The following SLC7A5 variants were observed in gnomAD, a reference collection of about 807,000 sequenced individuals.
SLC7A5 encodes the protein solute carrier family 7 member 5.
In SLC7A5, 23 loss-of-function variants were observed where a neutral mutation model predicts 50.2. That is an observed-to-expected ratio of 0.46 (90% CI 0.33 to 0.65). The LOEUF (loss-of-function observed/expected upper bound fraction) is 0.65. Ranked by LOEUF, SLC7A5 falls within the 30% of genes least tolerant of loss-of-function variation. The pLI is 0.02. For synonymous variants in SLC7A5, 393 were observed against 330.6 expected (o/e 1.19, Z -2.05); for missense variants, 578 against 684.4 (o/e 0.84, Z 1.73).
chr16:87,839,835 A>G lies in SLC7A5; in HGVS notation c.816-10T>C, dbSNP rs1198740110. On this transcript the variant is annotated splice_polypyrimidine_tract_variant and intron_variant, in intron 4 of 9. Coordinates refer to ENST00000261622, the MANE Select transcript of SLC7A5 (RefSeq NM_003486.7). Reference sequence around the variant, plus strand: ...GGCCAGGGGCAGGTTTCTGGAAAGAACAGGGACGACATGTCACCCAACGCA... The same window carrying G: ...GGCCAGGGGCAGGTTTCTGGAAAGAGCAGGGACGACATGTCACCCAACGCA... 6.2e-7 allele frequency: 1 copy of G among 1,613,462 alleles called. No individual in the cohort carries two copies. Among genetic ancestry groups the G allele is most frequent in the African/African-American group, 1.3e-5 (1 of 74,924 alleles).
intron 3 of SLC7A5, among the ~76,000 whole-genome samples, chr16:87,840,815 G>A (rs2055074044): frequency 6.6e-6 from 1 of 152,186 alleles, no homozygotes. Context: ...CGCCAAGACT[G>A]CGACGTGGAG....
At chr16:87,836,863 G>GGGAAGGA (rs2055011841) in intron 7 of SLC7A5, 1 of 572,780 alleles carries the variant, frequency 1.7e-6, no homozygotes, top group Admixed American at 2.8e-5. Context: ...GCGGGGAGGA[G>GGGAAGGA]GGAAGGAGGG....
intron 1 of SLC7A5, among the ~76,000 whole-genome samples, chr16:87,857,371 G>A (rs1279350394): frequency 6.6e-6 from 1 of 152,138 alleles, no homozygotes; most frequent in Non-Finnish European, 1.5e-5. Flanking sequence ...CTCCGCCTCT[G>A]GGGATCAAGT....
At position 87,832,872 on chromosome 16, in the gene SLC7A5, T is replaced by C; in HGVS notation, c.*98A>G. On this transcript the variant is annotated 3_prime_UTR_variant, in exon 10 of 10. Transcript: ENST00000261622. This position sits in a 1 kb window ranked among gnomAD's most constrained non-coding sequence, Gnocchi z 4.6. ...ACGGCGAGGGACTGGGATGGGCAGC[T>C]GAGCTGTGGGTTGCGGGGAACCGGA... The C allele has an allele frequency of 1.0e-6, 1 of 973,890 alleles. No homozygotes were observed. The highest frequency in any genetic ancestry group is 1.3e-5 in the South Asian group (1 of 78,074). The allele number at this position is 973,890 out of a possible 1,614,324, so 60.3% of individuals were successfully genotyped here.
In SLC7A5 at chr16:87,861,838, C is replaced by G. The variant is rs142606061; in HGVS notation, c.538+7047G>C. On this transcript the variant is annotated intron_variant, in intron 1 of 9. Transcript: ENST00000261622. This position sits in a 1 kb window ranked among gnomAD's most constrained non-coding sequence, Gnocchi z 4.2. ...AGGTCATGTGCTTCTGTGAGCTCCC[C>G]CTACGGCCTTGCCCCGAATCCCGTG... 8.5e-3 allele frequency among the ~76,000 whole-genome samples: 1,292 copies of G among 152,354 alleles called. 10 individuals are homozygous for G. Among genetic ancestry groups the G allele is most frequent in the Middle Eastern group, 0.017 (5 of 294 alleles).
At position 87,852,639 on chromosome 16, in the gene SLC7A5, T is replaced by TGTGTGTGTGTGTGTGC. The variant is rs1567496980; in HGVS notation, c.539-791_539-790insGCACACACACACACAC. 7.6e-4 allele frequency among the ~76,000 whole-genome samples: 17 copies of TGTGTGTGTGTGTGTGC among 22,310 alleles called. No homozygotes were observed. The highest frequency in any genetic ancestry group is 9.7e-4 in the Non-Finnish European group (14 of 14,488). The allele number at this position is 22,310 out of a possible 152,430, so 14.6% of individuals were successfully genotyped here. On this transcript the variant is annotated intron_variant, in intron 1 of 9. Transcript: ENST00000261622. This position sits in a 1 kb window ranked among gnomAD's most constrained non-coding sequence, Gnocchi z 4.5. ...TGTAAGGCACCCAGCTCTGAGCCTC[T>TGTGTGTGTGTGTGTGC]GTGTGTGTGTGTGTGTGTGTGTGTG...
At chr16:87,839,641 A>C (rs750950) in intron 5 of SLC7A5, 61 bp downstream of exon 5, 601,395 of 1,607,636 alleles carry the variant, frequency 0.37, 118,986 homozygotes, top group East Asian at 0.79. Context: ...TCCGGTCTGG[A>C]AGGGACGGGC....
intron 1 of SLC7A5, among the ~76,000 whole-genome samples, chr16:87,868,665 C>T (rs1036095301): frequency 6.6e-6 from 1 of 152,178 alleles, no homozygotes; most frequent in South Asian, 2.1e-4. Flanking sequence ...ACCCTGCTGT[C>T]CCGTCACTGA....
rs142730168 is a variant in SLC7A5 at position 87,860,660 on chromosome 16, T to G, written c.538+8225A>C. ...AAATCTCTTCAAACATTTTACAGAG[T>G]CTGGCTTTCTCGTTAACAAGCAGCT... On this transcript the variant is annotated intron_variant, in intron 1 of 9. Coordinates refer to ENST00000261622, the MANE Select transcript of SLC7A5 (RefSeq NM_003486.7). The surrounding 1 kb of genome is among the most constrained non-coding windows in gnomAD (Gnocchi z 4.8). 6.6e-6 allele frequency among the ~76,000 whole-genome samples: 1 copy of G among 152,112 alleles called. No homozygotes were observed. Among genetic ancestry groups the G allele is most frequent in the Non-Finnish European group, 1.5e-5 (1 of 67,992 alleles).
rs1161450474 is a variant in SLC7A5, at chr16:87,860,361, C to T, written c.539-8512G>A. On this transcript the variant is annotated intron_variant, in intron 1 of 9. Transcript: ENST00000261622. This position sits in a 1 kb window ranked among gnomAD's most constrained non-coding sequence, Gnocchi z 4.8. ...AAAAATACACACACACACACACACACACACACACACACACACACACACACA... is the reference window on the plus strand; with the variant it reads ...AAAAATACACACACACACACACACATACACACACACACACACACACACACA... Among the ~76,000 whole-genome samples the T allele has an allele frequency of 1.9e-3, 261 of 139,914 alleles. 8 individuals carry two copies. Among genetic ancestry groups the T allele is most frequent in the African/African-American group, 7.0e-3 (249 of 35,670 alleles). 91.8% of individuals were successfully genotyped at this position (139,914 alleles called of 152,430 possible). A position where few individuals can be genotyped will look rare whatever the true frequency, so the allele number is the denominator to read the frequency against.
chr16:87,867,945 C>G (rs1413140916), intron 1 of SLC7A5, among the ~76,000 whole-genome samples: 1 of 151,888 alleles, frequency 6.6e-6, no homozygotes, highest in African/African-American at 2.4e-5. Flanking sequence ...GAAACGCCGT[C>G]TCTACTAAAA....
rs1350124649 is a variant in SLC7A5 at position 87,832,848 on chromosome 16, C to T, written c.*122G>A. On this transcript the variant is annotated 3_prime_UTR_variant, in exon 10 of 10. Coordinates refer to ENST00000261622, the MANE Select transcript of SLC7A5 (RefSeq NM_003486.7). The surrounding 1 kb of genome is among the most constrained non-coding windows in gnomAD (Gnocchi z 4.6). Reference sequence around the variant, plus strand: ...CCTCCACTGCCCGACCTGGGAGGGACGGCGAGGGACTGGGATGGGCAGCTG... The same window carrying T: ...CCTCCACTGCCCGACCTGGGAGGGATGGCGAGGGACTGGGATGGGCAGCTG... The T allele has an allele frequency of 1.1e-5, 9 of 810,108 alleles. No homozygotes were observed. Among genetic ancestry groups the T allele is most frequent in the South Asian group, 4.1e-5 (3 of 73,678 alleles). The allele number at this position is 810,108 out of a possible 1,614,324, so 50.2% of individuals were successfully genotyped here.
chr16:87,843,723 G>T (rs1233726904), intron 2 of SLC7A5, among the ~76,000 whole-genome samples: 3 of 152,186 alleles, frequency 2.0e-5, no homozygotes, highest in Admixed American at 6.5e-5. Context: ...TACTGGCACG[G>T]AGCAGGAGGC....
intron 6 of SLC7A5, 45 bp downstream of exon 6, chr16:87,838,669 G>A: frequency 7.0e-7 from 1 of 1,420,106 alleles, no homozygotes; most frequent in East Asian, 2.3e-5. Context: ...ACCTGGCCAT[G>A]AGGCCTGGGC....
rs748534290 is a variant in SLC7A5 at position 87,830,443 on chromosome 16, A to C, written c.*2527T>G. ...AACCGCTGGGGACGTTTGTCAGTGG[A>C]GTGTGGAGAAAAAGGGACGGAAAAA... is the stretch of plus-strand genomic sequence containing the variant. On this transcript the variant is annotated 3_prime_UTR_variant, in exon 10 of 10. Transcript: ENST00000261622. 1 of 152,292 alleles carries C rather than the reference A, an allele frequency of 6.6e-6. No individual in the cohort carries two copies. The highest frequency in any genetic ancestry group is 6.5e-5 in the Admixed American group (1 of 15,276). 9.4% of individuals were successfully genotyped at this position (152,292 alleles called of 1,614,324 possible). A position where few individuals can be genotyped will look rare whatever the true frequency, so the allele number is the denominator to read the frequency against.
In SLC7A5 at chr16:87,833,059, G is replaced by A. The variant is rs1183594277; in HGVS notation, c.1469-34C>T. On this transcript the variant is annotated intron_variant, in intron 9 of 9. Transcript: ENST00000261622. The surrounding 1 kb of genome is among the most constrained non-coding windows in gnomAD (Gnocchi z 6.0). ...AGAGAAGACAGCTGTGTTAGCCTGG[G>A]GGCTGGGTAGGCACCCGTGGGACAC... 1.3e-6 allele frequency: 2 copies of A among 1,599,592 alleles called. No individual in the cohort carries two copies. Among genetic ancestry groups the A allele is most frequent in the African/African-American group, 1.3e-5 (1 of 74,650 alleles).
At chr16:87,840,376 T>A (rs1031211526) in intron 4 of SLC7A5, 53 bp downstream of exon 4, 1 of 1,476,458 alleles carries the variant, frequency 6.8e-7, no homozygotes, top group Non-Finnish European at 9.5e-7. Context: ...GGCTGCTTCC[T>A]GCCTCACATT....
intron 1 of SLC7A5, among the ~76,000 whole-genome samples, chr16:87,859,275 C>T (rs1326084576): frequency 6.6e-6 from 1 of 152,212 alleles, no homozygotes; most frequent in Non-Finnish European, 1.5e-5. Context: ...GTTGACTCAG[C>T]TCACAAGGCC....
At chr16:87,854,807 C>T (rs536881583) in intron 1 of SLC7A5, among the ~76,000 whole-genome samples, 1 of 152,380 alleles carries the variant, frequency 6.6e-6, no homozygotes, top group African/African-American at 2.4e-5. Flanking sequence ...CACCTGGCTG[C>T]CTCCCACCTG....
Sources: allele counts gnomAD v4.1 joint callset (sites outside exome capture counted in the v4.1 genomes callset), GRCh38; gene constraint gnomAD v4.1.1; non-coding constraint Gnocchi (gnomAD v3.1); transcripts MANE v1.5; gene names NCBI Gene and HGNC (gene_info 2026-07-23, HGNC 2026-07-21).